The following UBE2N variants were observed in gnomAD, a reference collection of about 807,000 sequenced individuals.
The protein encoded by UBE2N is ubiquitin-conjugating enzyme E2 N.
For synonymous variants in UBE2N, 70 were observed against 69.2 expected (o/e 1.01, Z -0.06); for missense variants, 60 against 192.1 (o/e 0.31, Z 4.07).
chr12:93,412,048 A>C (rs1162962465), intron 1 of UBE2N, among the ~76,000 whole-genome samples: 1 of 152,072 alleles, frequency 6.6e-6, no homozygotes, highest in Non-Finnish European at 1.5e-5. Flanking sequence ...TAACGGACTA[A>C]AGAAAGGAGA....
chr12:93,427,756 C>T (rs551687789), intron 1 of UBE2N, among the ~76,000 whole-genome samples: 4 of 152,026 alleles, frequency 2.6e-5, no homozygotes, highest in African/African-American at 9.6e-5. Context: ...AGAATTATAC[C>T]TCAAAAAAAT....
At chr12:93,427,052 T>A (rs55783096) in intron 1 of UBE2N, among the ~76,000 whole-genome samples, 12,425 of 152,180 alleles carry the variant, frequency 0.082, 1,601 homozygotes, top group African/African-American at 0.28. Flanking sequence ...CCCAAGTAGC[T>A]GGGATTACAG....
intron 1 of UBE2N, among the ~76,000 whole-genome samples, chr12:93,430,802 TTA>T (rs992126430): frequency 6.8e-6 from 1 of 147,710 alleles, no homozygotes; most frequent in Non-Finnish European, 1.5e-5. Context: ...AATATATATT[TTA>T]TATATATATA....
intron 1 of UBE2N, 47 bp downstream of exon 1, chr12:93,441,808 G>T (rs1411975513): frequency 1.3e-6 from 2 of 1,573,796 alleles, no homozygotes; most frequent in Non-Finnish European, 1.7e-6. Context: ...GCCCAGCTGA[G>T]CCGACGAGAG....
chr12:93,421,041 A>G (rs780709598), intron 1 of UBE2N, among the ~76,000 whole-genome samples: 5 of 152,202 alleles, frequency 3.3e-5, no homozygotes, highest in Admixed American at 6.5e-5. Context: ...TAAGTGCTAC[A>G]TATGTATTAG....
chr12:93,410,978 A>G (rs1878016995), intron 2 of UBE2N, 75 bp downstream of exon 2: 6 of 1,613,884 alleles, frequency 3.7e-6, no homozygotes, highest in South Asian at 2.2e-5. Flanking sequence ...TAATGTTTAC[A>G]TTCTAAACAT....
intron 1 of UBE2N, among the ~76,000 whole-genome samples, chr12:93,428,217 G>C (rs908928425): frequency 6.6e-6 from 1 of 152,108 alleles, no homozygotes; most frequent in Non-Finnish European, 1.5e-5. Context: ...ACCGCACCCA[G>C]CCAACAGAAA....
chr12:93,434,227 G>A (rs1354525300), intron 1 of UBE2N, among the ~76,000 whole-genome samples: 2 of 152,252 alleles, frequency 1.3e-5, no homozygotes, highest in Admixed American at 6.5e-5. Context: ...GGGAGGTGGA[G>A]ATTGCAGTTA....
chr12:93,441,933 G>A lies in UBE2N; in HGVS notation c.-49C>T. ...TCTGGTCTCGTCTCCGGCTCCTCTC[G>A]CCTCACGCACGAGTGGAAGTCCCGG... On this transcript the variant is annotated 5_prime_UTR_variant, in exon 1 of 4. Transcript: ENST00000318066. 1 of 1,543,492 alleles carries A rather than the reference G, an allele frequency of 6.5e-7. No homozygotes were observed. The highest frequency in any genetic ancestry group is 2.7e-5 in the East Asian group (1 of 37,616).
intron 1 of UBE2N, among the ~76,000 whole-genome samples, chr12:93,418,118 C>T (rs1246370997): frequency 6.6e-6 from 1 of 151,600 alleles, no homozygotes; most frequent in African/African-American, 2.4e-5. Context: ...CGTGAGCCAC[C>T]ACACTTGGCC....
intron 1 of UBE2N, among the ~76,000 whole-genome samples, chr12:93,415,473 G>A (rs1354605653): frequency 1.3e-5 from 2 of 152,080 alleles, no homozygotes; most frequent in African/African-American, 2.4e-5. Flanking sequence ...TGTTCTTTAG[G>A]TTCAAACTAA....
rs569870932 is a variant in UBE2N, at chr12:93,407,068, A to C, written c.*2971T>G. ...CCACTATGTTAGCCAGGCTGGTCAC[A>C]AACTCCTGGACTCAAGTGATCCTCC... On this transcript the variant is annotated 3_prime_UTR_variant, in exon 4 of 4. Coordinates refer to ENST00000318066, the MANE Select transcript of UBE2N (RefSeq NM_003348.4). The C allele has an allele frequency of 1.4e-4, 21 of 152,374 alleles. No individual in the cohort carries two copies. Among genetic ancestry groups the C allele is most frequent in the African/African-American group, 4.8e-4 (20 of 41,578 alleles). The allele number at this position is 152,374 out of a possible 1,614,324, so 9.4% of individuals were successfully genotyped here. A position where few individuals can be genotyped will look rare whatever the true frequency, so the allele number is the denominator to read the frequency against.
At chr12:93,431,770 T>C (rs1878779780) in intron 1 of UBE2N, among the ~76,000 whole-genome samples, 2 of 152,186 alleles carry the variant, frequency 1.3e-5, no homozygotes, top group African/African-American at 4.8e-5. Flanking sequence ...ACAGTAATAA[T>C]TATTTTTGAT....
At chr12:93,415,710 G>T (rs910487104) in intron 1 of UBE2N, among the ~76,000 whole-genome samples, 2 of 152,014 alleles carry the variant, frequency 1.3e-5, no homozygotes, top group South Asian at 4.1e-4. Context: ...TTTACCCCAG[G>T]TCTTCATGTT....
intron 1 of UBE2N, chr12:93,441,273 G>A (rs887354298): frequency 6.6e-6 from 1 of 152,258 alleles, no homozygotes; most frequent in Non-Finnish European, 1.5e-5. Flanking sequence ...AACCAGGGGC[G>A]AGCATGTGCT....
intron 1 of UBE2N, among the ~76,000 whole-genome samples, chr12:93,422,187 T>C (rs1277738846): frequency 6.6e-6 from 1 of 152,170 alleles, no homozygotes; most frequent in Non-Finnish European, 1.5e-5. Flanking sequence ...AAGTTCTTGG[T>C]GGTAAAAATG....
intron 1 of UBE2N, among the ~76,000 whole-genome samples, chr12:93,432,726 TA>T (rs1045841777): frequency 5.4e-5 from 8 of 149,344 alleles, no homozygotes; most frequent in Non-Finnish European, 7.4e-5. Flanking sequence ...TATTGAAAAC[TA>T]AAAAAAAAAT....
chr12:93,418,504 A>T (rs1277234421), intron 1 of UBE2N, among the ~76,000 whole-genome samples: 1 of 136,268 alleles, frequency 7.3e-6, no homozygotes, highest in African/African-American at 3.7e-5. Context: ...AGAAACATAT[A>T]ATGTCTCATT....
chr12:93,432,930 C>A (rs1592750287), intron 1 of UBE2N, among the ~76,000 whole-genome samples: 1 of 49,308 alleles, frequency 2.0e-5, no homozygotes, highest in African/African-American at 8.1e-5. Flanking sequence ...TAGCTTCATT[C>A]AGGTTTTTTT....
Sources: allele counts gnomAD v4.1 joint callset (sites outside exome capture counted in the v4.1 genomes callset), GRCh38; gene constraint gnomAD v4.1.1; transcripts MANE v1.5; gene names NCBI Gene and HGNC (gene_info 2026-07-23, HGNC 2026-07-21).